Variants in SLC7A5 observed in about 807,000 individuals in gnomAD.
SLC7A5 encodes large neutral amino acids transporter small subunit 1.
SLC7A5 carries 23 observed loss-of-function variants against 50.2 expected under a neutral mutation model. The ratio of observed to expected loss-of-function variants is 0.46; its 90% confidence interval spans 0.33 to 0.65. SLC7A5 has a LOEUF of 0.65. Ranked by LOEUF, SLC7A5 falls within the 30% of genes least tolerant of loss-of-function variation. The pLI, the probability that SLC7A5 is intolerant of heterozygous loss-of-function variation, is 0.02. For synonymous variants in SLC7A5, 393 were observed against 330.6 expected (o/e 1.19, Z -2.05); for missense variants, 578 against 684.4 (o/e 0.84, Z 1.73).
At chr16:87,845,840 T>C (rs978917428) in intron 2 of SLC7A5, among the ~76,000 whole-genome samples, 1 of 152,180 alleles carries the variant, frequency 6.6e-6, no homozygotes, top group Non-Finnish European at 1.5e-5. Flanking sequence ...CCCTGGCCTC[T>C]GTCCATGCGT....
In SLC7A5 at chr16:87,835,373, C is replaced by T. The variant is rs147376330; in HGVS notation, c.1291-782G>A. ...ACTGCCCTGTGCCCTAGGCACTGCC[C>T]CAGGCTGGCACAGCAGGCACAAGCT... is the stretch of plus-strand genomic sequence containing the variant. On this transcript the variant is annotated intron_variant, in intron 8 of 9. Transcript: ENST00000261622. Among the ~76,000 whole-genome samples, 545 of 152,378 alleles carry T rather than the reference C, an allele frequency of 3.6e-3. 6 individuals are homozygous for T. The highest frequency in any genetic ancestry group is 0.012 in the African/African-American group (502 of 41,594).
chr16:87,833,838 G>A lies in SLC7A5; in HGVS notation c.1468+576C>T, dbSNP rs1313498389. Among the ~76,000 whole-genome samples, 1 of 150,012 alleles carries A rather than the reference G, an allele frequency of 6.7e-6. No homozygotes were observed. Among genetic ancestry groups the A allele is most frequent in the Non-Finnish European group, 1.5e-5 (1 of 67,836 alleles). ...GCTGCCGCTGCACACAGGGCCGGGGGGCGGGTTTCTCCTTCTGCCTTTTTT... is the reference window on the plus strand; with the variant it reads ...GCTGCCGCTGCACACAGGGCCGGGGAGCGGGTTTCTCCTTCTGCCTTTTTT... On this transcript the variant is annotated intron_variant, in intron 9 of 9. Coordinates refer to ENST00000261622, the MANE Select transcript of SLC7A5 (RefSeq NM_003486.7). The surrounding 1 kb of genome is among the most constrained non-coding windows in gnomAD (Gnocchi z 6.0).
In SLC7A5 at chr16:87,836,494, T is replaced by G. The variant is rs1451189015; in HGVS notation, c.1290+4A>C. Reference sequence around the variant, plus strand: ...CCTGGGTGAGCGGGAGGCCCCGGGCTCACCTTGATGGGCCGCTCAAGCTCA... The same window carrying G: ...CCTGGGTGAGCGGGAGGCCCCGGGCGCACCTTGATGGGCCGCTCAAGCTCA... On this transcript the variant is annotated splice_donor_region_variant and intron_variant, in intron 8 of 9. Coordinates refer to ENST00000261622, the MANE Select transcript of SLC7A5 (RefSeq NM_003486.7). 2.5e-6 allele frequency: 4 copies of G among 1,609,824 alleles called. No homozygotes were observed. Among genetic ancestry groups the G allele is most frequent in the Non-Finnish European group, 3.4e-6 (4 of 1,179,908 alleles).
chr16:87,834,432 A>G lies in SLC7A5; in HGVS notation c.1450T>C (p.Trp484Arg). The G allele has an allele frequency of 6.4e-7, 1 of 1,556,030 alleles. No homozygotes were observed. The highest frequency in any genetic ancestry group is 8.7e-7 in the Non-Finnish European group (1 of 1,149,446). ...TACTCACAGATGCCCTGGAGGAGCCACTTGGGCTTGTTTTTCCACCAGACC... is the reference window on the plus strand; with the variant it reads ...TACTCACAGATGCCCTGGAGGAGCCGCTTGGGCTTGTTTTTCCACCAGACC... The part of the protein sequence containing the change: ...FGVWWKNKPK[W>R]LLQGIFSTTV... Residue 484 changes from tryptophan (W) to arginine (R), a missense_variant, in exon 9 of 10, where the codon TGG becomes CGG. Physicochemically the swap from Trp to Arg is moderately radical, Grantham distance 101. Transcript: ENST00000261622.
rs61164920 is a variant in SLC7A5, at chr16:87,852,638, C to CTGTGTGTGTGTGTGTGTG, written c.539-807_539-790dup. Among the ~76,000 whole-genome samples, 64 of 116,850 alleles carry CTGTGTGTGTGTGTGTGTG rather than the reference C, an allele frequency of 5.5e-4. 2 individuals carry two copies. The highest frequency in any genetic ancestry group is 4.2e-3 in the Middle Eastern group (1 of 240). The allele number at this position is 116,850 out of a possible 152,430, so 76.7% of individuals were successfully genotyped here. The stretch of plus-strand genomic sequence containing the variant: ...CTGTAAGGCACCCAGCTCTGAGCCT[C>CTGTGTGTGTGTGTGTGTG]TGTGTGTGTGTGTGTGTGTGTGTGT... On this transcript the variant is annotated intron_variant, in intron 1 of 9. Coordinates refer to ENST00000261622, the MANE Select transcript of SLC7A5 (RefSeq NM_003486.7). This position sits in a 1 kb window ranked among gnomAD's most constrained non-coding sequence, Gnocchi z 4.5.
intron 7 of SLC7A5, chr16:87,836,948 T>C (rs143392817): frequency 0.01 from 4,762 of 454,692 alleles, 94 homozygotes; most frequent in South Asian, 0.041. Flanking sequence ...AAGAACACAG[T>C]GTACATACAC....
At chr16:87,868,743 C>A in intron 1 of SLC7A5, 142 bp downstream of exon 1, 2 of 855,880 alleles carry the variant, frequency 2.3e-6, no homozygotes, top group South Asian at 2.9e-5. Flanking sequence ...GTTTCTGGGA[C>A]CAATGACCTT....
chr16:87,836,965 GC>G (rs1437659992), intron 7 of SLC7A5, among the ~76,000 whole-genome samples: 1 of 152,192 alleles, frequency 6.6e-6, no homozygotes, highest in African/African-American at 2.4e-5. Flanking sequence ...ACACAGCTGG[GC>G]TCTGCTGGAC....
At position 87,860,619 on chromosome 16, in the gene SLC7A5, A is replaced by C. The variant is rs1337244679; in HGVS notation, c.538+8266T>G. ...TCAGGGCCTCCAGGCCTTGGTCCTC[A>C]CATTTGACTCCGGATAAATCTCTTC... On this transcript the variant is annotated intron_variant, in intron 1 of 9. Coordinates refer to ENST00000261622, the MANE Select transcript of SLC7A5 (RefSeq NM_003486.7). This position sits in a 1 kb window ranked among gnomAD's most constrained non-coding sequence, Gnocchi z 4.8. 6.6e-6 allele frequency among the ~76,000 whole-genome samples: 1 copy of C among 152,072 alleles called. No individual in the cohort carries two copies. The highest frequency in any genetic ancestry group is 2.4e-5 in the African/African-American group (1 of 41,398).
rs983964618 is a variant in SLC7A5 at position 87,862,058 on chromosome 16, G to A, written c.538+6827C>T. Among the ~76,000 whole-genome samples the A allele has an allele frequency of 6.6e-6, 1 of 152,174 alleles. No homozygotes were observed. Among genetic ancestry groups the A allele is most frequent in the Non-Finnish European group, 1.5e-5 (1 of 68,012 alleles). ...GCTGTGGGGGGTTGGGGGTGGAGGG[G>A]TGCAGGGATCCCAAAACCCAACCCG... is the stretch of plus-strand genomic sequence containing the variant. On this transcript the variant is annotated intron_variant, in intron 1 of 9. Transcript: ENST00000261622. This position sits in a 1 kb window ranked among gnomAD's most constrained non-coding sequence, Gnocchi z 5.3.
rs558139058 is a variant in SLC7A5, at chr16:87,862,060, G to A, written c.538+6825C>T. Among the ~76,000 whole-genome samples the A allele has an allele frequency of 1.2e-4, 18 of 152,298 alleles. No homozygotes were observed. The highest frequency in any genetic ancestry group is 1.8e-4 in the Non-Finnish European group (12 of 68,016). On this transcript the variant is annotated intron_variant, in intron 1 of 9. Coordinates refer to ENST00000261622, the MANE Select transcript of SLC7A5 (RefSeq NM_003486.7). The surrounding 1 kb of genome is among the most constrained non-coding windows in gnomAD (Gnocchi z 5.3). Reference sequence around the variant, plus strand: ...TGTGGGGGGTTGGGGGTGGAGGGGTGCAGGGATCCCAAAACCCAACCCGGG... The same window carrying A: ...TGTGGGGGGTTGGGGGTGGAGGGGTACAGGGATCCCAAAACCCAACCCGGG...
rs2055458125 is a variant in SLC7A5 at position 87,866,152 on chromosome 16, T to A, written c.538+2733A>T. Among the ~76,000 whole-genome samples, 3 of 152,092 alleles carry A rather than the reference T, an allele frequency of 2.0e-5. No individual in the cohort carries two copies. The South Asian group carries it at 6.2e-4, about 32-fold the overall frequency. Reference sequence around the variant, plus strand: ...TTCCTGCCGACACAGGGAAGTCTTCTTAGCAGCTAAAGAGGGCAGCCTCTG... The same window carrying A: ...TTCCTGCCGACACAGGGAAGTCTTCATAGCAGCTAAAGAGGGCAGCCTCTG... On this transcript the variant is annotated intron_variant, in intron 1 of 9. Transcript: ENST00000261622.
intron 1 of SLC7A5, among the ~76,000 whole-genome samples, chr16:87,856,833 T>C (rs995411416): frequency 4.6e-5 from 7 of 151,974 alleles, no homozygotes; most frequent in African/African-American, 1.5e-4. Flanking sequence ...CCGGGGGAAC[T>C]TATAAAAGCA....
chr16:87,847,903 T>C (rs1028362069), intron 2 of SLC7A5, among the ~76,000 whole-genome samples: 10 of 152,160 alleles, frequency 6.6e-5, no homozygotes, highest in Non-Finnish European at 1.3e-4. Context: ...ACACACGTAT[T>C]TACCGCCTGG....
chr16:87,850,139 C>T (rs566240546), intron 2 of SLC7A5, among the ~76,000 whole-genome samples: 28 of 152,328 alleles, frequency 1.8e-4, no homozygotes, highest in African/African-American at 3.4e-4. Context: ...CGAAGTGCCA[C>T]GTACAGCCAG....
chr16:87,869,206 T>A lies in SLC7A5; in HGVS notation c.217A>T (p.Thr73Ser). 2 of 1,612,344 alleles carry A rather than the reference T, an allele frequency of 1.2e-6. No homozygotes were observed. Among genetic ancestry groups the A allele is most frequent in the Non-Finnish European group, 1.7e-6 (2 of 1,179,808 alleles). Residue 73 changes from threonine (T) to serine (S), a missense_variant, in exon 1 of 10, where the codon ACG becomes TCG. Transcript: ENST00000261622. ...IIGSGIFVTP[T>S]GVLKEAGSPG... Reference sequence around the variant, plus strand: ...GAGCCTGCCTCCTTGAGCACGCCCGTGGGCGTCACGAAGATGCCCGAGCCG... The same window carrying A: ...GAGCCTGCCTCCTTGAGCACGCCCGAGGGCGTCACGAAGATGCCCGAGCCG...
chr16:87,843,963 G>A (rs1022932312), intron 2 of SLC7A5, among the ~76,000 whole-genome samples: 1 of 151,604 alleles, frequency 6.6e-6, no homozygotes, highest in African/African-American at 2.4e-5. Context: ...CAGGCACTGG[G>A]CAGGACTGGA....
In SLC7A5 at chr16:87,860,727, C is replaced by T. The variant is rs1319913181; in HGVS notation, c.538+8158G>A. On this transcript the variant is annotated intron_variant, in intron 1 of 9. Coordinates refer to ENST00000261622, the MANE Select transcript of SLC7A5 (RefSeq NM_003486.7). The surrounding 1 kb of genome is among the most constrained non-coding windows in gnomAD (Gnocchi z 4.8). Reference sequence around the variant, plus strand: ...CAGTAGTGACAGATGCTGGCCCACCCCGAGGTCAGGATGACTCAGCAGGGA... The same window carrying T: ...CAGTAGTGACAGATGCTGGCCCACCTCGAGGTCAGGATGACTCAGCAGGGA... 6.6e-6 allele frequency among the ~76,000 whole-genome samples: 1 copy of T among 152,242 alleles called. No homozygotes were observed. Among genetic ancestry groups the T allele is most frequent in the East Asian group, 1.9e-4 (1 of 5,190 alleles).
At chr16:87,857,706 C>T (rs1478834840) in intron 1 of SLC7A5, among the ~76,000 whole-genome samples, 11 of 152,240 alleles carry the variant, frequency 7.2e-5, no homozygotes, top group Non-Finnish European at 1.6e-4. Context: ...AGGCCCTGGC[C>T]CCACCTGTCT....
Sources: allele counts gnomAD v4.1 joint callset (sites outside exome capture counted in the v4.1 genomes callset), GRCh38; gene constraint gnomAD v4.1.1; non-coding constraint Gnocchi (gnomAD v3.1); transcripts MANE v1.5; gene names NCBI Gene and HGNC (gene_info 2026-07-23, HGNC 2026-07-21).